IL1RAPL2: variants seen among roughly 807,000 people sequenced by gnomAD.
IL1RAPL2 encodes the protein interleukin 1 receptor accessory protein like 2, also known as X-linked interleukin-1 receptor accessory protein-like 2.
IL1RAPL2 carries 3 observed loss-of-function variants against 44.1 expected under a neutral mutation model. The observed-to-expected ratio is 0.07, with a 90% CI of 0.03 to 0.18. The LOEUF (loss-of-function observed/expected upper bound fraction) is 0.18. IL1RAPL2 is among the 10% of genes least tolerant of loss of function. The probability of loss-of-function intolerance (pLI) is 1.00; values close to 1 mark genes in which losing one functional copy is unlikely to be tolerated. For missense variants in IL1RAPL2, 391 were observed against 496.4 expected, an observed-to-expected ratio of 0.79 and a Z score of 2.02; for synonymous variants, 181 against 178.8, an observed-to-expected ratio of 1.01 and a Z score of -0.10.
intron 2 of IL1RAPL2, among the ~76,000 whole-genome samples, chrX:104,881,539 T>C (rs897811004): frequency 8.9e-6 from 1 of 112,394 alleles, no homozygotes; most frequent in Non-Finnish European, 1.9e-5. Context: ...CTGATCTTGT[T>C]TTGCATGCTG....
At chrX:104,689,676 TAA>T (rs774682613) in intron 2 of IL1RAPL2, among the ~76,000 whole-genome samples, 2 of 111,560 alleles carry the variant, frequency 1.8e-5, no homozygotes, top group Non-Finnish European at 3.8e-5. Context: ...CAGGATATGC[TAA>T]AGAGTCATCA....
chrX:104,658,319 C>T (rs1172729724), intron 1 of IL1RAPL2, among the ~76,000 whole-genome samples: 1 of 111,815 alleles, frequency 8.9e-6, no homozygotes, highest in Non-Finnish European at 1.9e-5. Context: ...TTTGTAGGGA[C>T]ATGGATGAAG....
chrX:104,905,217 G>A (rs1486666402), intron 2 of IL1RAPL2, among the ~76,000 whole-genome samples: 1 of 111,757 alleles, frequency 8.9e-6, no homozygotes, highest in Non-Finnish European at 1.9e-5. Context: ...TTTGTCAGAT[G>A]AGTAGGTTGC....
intron 2 of IL1RAPL2, among the ~76,000 whole-genome samples, chrX:104,989,771 C>G (rs1468542859): frequency 1.8e-5 from 2 of 111,640 alleles, no homozygotes; most frequent in Non-Finnish European, 3.8e-5. Flanking sequence ...ATTTCCCAAA[C>G]CATTTCAGAC....
chrX:104,587,510 A>T (rs1928583266), intron 1 of IL1RAPL2, among the ~76,000 whole-genome samples: 1 of 111,922 alleles, frequency 8.9e-6, no homozygotes, highest in South Asian at 3.7e-4. Context: ...GGGCCCAAGA[A>T]TGTGCATCCT....
intron 2 of IL1RAPL2, among the ~76,000 whole-genome samples, chrX:105,085,662 A>T (rs146526274): frequency 5.4e-5 from 6 of 111,372 alleles, no homozygotes; most frequent in Admixed American, 9.5e-5. Flanking sequence ...CAGCAATTCC[A>T]TTCCTGGGTA....
At chrX:105,109,871 A>T (rs1352126889) in intron 2 of IL1RAPL2, among the ~76,000 whole-genome samples, 4 of 112,537 alleles carry the variant, frequency 3.6e-5, no homozygotes, top group Non-Finnish European at 7.5e-5. Flanking sequence ...CAAAGAAACA[A>T]GAAATAGTAA....
intron 3 of IL1RAPL2, chrX:105,219,055 C>T: frequency 2.5e-6 from 3 of 1,211,082 alleles, no homozygotes; most frequent in Non-Finnish European, 3.4e-6. Flanking sequence ...AGGGCAGTCC[C>T]AGTCCCCTGG....
At chrX:105,704,693 C>T (rs1382178914) in intron 6 of IL1RAPL2, among the ~76,000 whole-genome samples, 4 of 110,751 alleles carry the variant, frequency 3.6e-5, no homozygotes, top group African/African-American at 1.3e-4. Context: ...AAACATGTGC[C>T]ATGGTGGTTT....
At chrX:104,764,120 G>C (rs1932513058) in intron 2 of IL1RAPL2, among the ~76,000 whole-genome samples, 1 of 110,730 alleles carries the variant, frequency 9.0e-6, no homozygotes, top group African/African-American at 3.3e-5. Context: ...TTTTGATAGG[G>C]ATGGCATTGA....
chrX:104,974,629 G>A (rs931523225), intron 2 of IL1RAPL2, among the ~76,000 whole-genome samples: 1 of 112,152 alleles, frequency 8.9e-6, no homozygotes, highest in Non-Finnish European at 1.9e-5. Context: ...GGAAGCTGGG[G>A]GAACTGCAGT....
intron 4 of IL1RAPL2, among the ~76,000 whole-genome samples, chrX:105,252,170 A>G (rs765600531): frequency 9.0e-6 from 1 of 111,652 alleles, no homozygotes; most frequent in South Asian, 3.7e-4. Context: ...ATGTAATATA[A>G]ATGGAATAAT....
chrX:105,374,706 T>C (rs1362226560), intron 5 of IL1RAPL2, among the ~76,000 whole-genome samples: 2 of 110,712 alleles, frequency 1.8e-5, no homozygotes, highest in Non-Finnish European at 3.8e-5. Context: ...GCCAGCACTT[T>C]GGGAGGCCAA....
chrX:104,645,678 CT>C (rs201692831), intron 1 of IL1RAPL2, among the ~76,000 whole-genome samples: 2,276 of 112,159 alleles, frequency 0.02, 24 homozygotes, highest in Non-Finnish European at 0.034. Flanking sequence ...GTGGTTTTTT[CT>C]TTTCTACTAG....
intron 6 of IL1RAPL2, among the ~76,000 whole-genome samples, chrX:105,488,055 T>C (rs188101003): frequency 8.9e-6 from 1 of 112,314 alleles, no homozygotes; most frequent in East Asian, 2.8e-4. Flanking sequence ...TTATCAACTT[T>C]GGGTTTCCCA....
chrX:105,505,187 A>C (rs2036422931), intron 6 of IL1RAPL2, among the ~76,000 whole-genome samples: 1 of 111,443 alleles, frequency 9.0e-6, no homozygotes, highest in African/African-American at 3.3e-5. Context: ...ATACGCACAG[A>C]TAATTTAAGC....
chrX:105,194,671 G>C (rs1409956622), intron 2 of IL1RAPL2, among the ~76,000 whole-genome samples: 1 of 111,695 alleles, frequency 9.0e-6, no homozygotes, highest in Non-Finnish European at 1.9e-5. Flanking sequence ...AAGAGAAATT[G>C]ACCTATGATT....
intron 2 of IL1RAPL2, among the ~76,000 whole-genome samples, chrX:104,672,242 C>T (rs1930622113): frequency 9.0e-6 from 1 of 111,421 alleles, no homozygotes. Context: ...ACTCCCAATG[C>T]TATCCCTCCC....
At chrX:104,693,995 C>T (rs970360513) in intron 2 of IL1RAPL2, among the ~76,000 whole-genome samples, 10 of 111,864 alleles carry the variant, frequency 8.9e-5, no homozygotes, top group Non-Finnish European at 1.9e-4. Flanking sequence ...TTTTTAATAT[C>T]CCCAACTGTT....
Sources: allele counts gnomAD v4.1 joint callset (sites outside exome capture counted in the v4.1 genomes callset), GRCh38; gene constraint gnomAD v4.1.1; transcripts MANE v1.5; gene names NCBI Gene and HGNC (gene_info 2026-07-23, HGNC 2026-07-21).